XRCC4: variants seen among roughly 807,000 people sequenced by gnomAD.
XRCC4 encodes X-ray repair cross complementing 4.
Under a neutral mutation model 39.1 loss-of-function variants are expected in XRCC4, and 28 were observed. That is an observed-to-expected ratio of 0.72 (90% CI 0.53 to 0.98). The LOEUF is 0.98. Ranked by LOEUF, XRCC4 falls within the 50% of genes least tolerant of loss-of-function variation. The probability of loss-of-function intolerance (pLI) is 0.00; values close to 1 mark genes in which losing one functional copy is unlikely to be tolerated. For missense variants in XRCC4, 350 were observed against 376.4 expected, an observed-to-expected ratio of 0.93 and a Z score of 0.58; for synonymous variants, 123 against 126.4, an observed-to-expected ratio of 0.97 and a Z score of 0.18.
At chr5:83,257,025 G>GA (rs28360227) in intron 6 of XRCC4, among the ~76,000 whole-genome samples, 13 of 150,958 alleles carry the variant, frequency 8.6e-5, no homozygotes, top group East Asian at 3.9e-4. Context: ...TAGTTATTAA[G>GA]AAAAAAAAAT....
intron 3 of XRCC4, among the ~76,000 whole-genome samples, chr5:83,134,701 C>T (rs920239489): frequency 5.9e-5 from 9 of 152,148 alleles, no homozygotes; most frequent in Admixed American, 2.0e-4. Context: ...GGTACCCTTG[C>T]GTGTTGTGGA....
At chr5:83,078,404 A>T (rs28383124) in intron 1 of XRCC4, among the ~76,000 whole-genome samples, 1 of 152,120 alleles carries the variant, frequency 6.6e-6, no homozygotes, top group South Asian at 2.1e-4. Context: ...TGTGTGGTGT[A>T]TTTTTTCTCA....
intron 6 of XRCC4, among the ~76,000 whole-genome samples, chr5:83,216,847 A>T (rs1751878175): frequency 6.6e-6 from 1 of 152,156 alleles, no homozygotes; most frequent in Admixed American, 6.5e-5. Context: ...AGCCCAAGAG[A>T]ATTTTTGGAC....
intron 1 of XRCC4, among the ~76,000 whole-genome samples, chr5:83,100,783 T>C (rs1745894715): frequency 7.6e-6 from 1 of 131,012 alleles, no homozygotes; most frequent in South Asian, 2.4e-4. Flanking sequence ...ATATGTCTTT[T>C]TCAATGATTG....
At chr5:83,174,386 A>T (rs1749860803) in intron 3 of XRCC4, among the ~76,000 whole-genome samples, 1 of 152,108 alleles carries the variant, frequency 6.6e-6, no homozygotes. Flanking sequence ...TTCTCTATGG[A>T]TATCACTTCT....
chr5:83,213,689 C>T (rs1337117858), intron 6 of XRCC4, among the ~76,000 whole-genome samples: 3 of 151,886 alleles, frequency 2.0e-5, no homozygotes, highest in Non-Finnish European at 4.4e-5. Context: ...AGAGGAGGAG[C>T]GAACACTTCC....
At chr5:83,083,662 G>A (rs915700900) in intron 1 of XRCC4, among the ~76,000 whole-genome samples, 4 of 150,522 alleles carry the variant, frequency 2.7e-5, no homozygotes, top group South Asian at 2.1e-4. Context: ...AGGCATGAAG[G>A]TGCTGGGATT....
At chr5:83,180,470 A>G (rs543559209) in intron 3 of XRCC4, among the ~76,000 whole-genome samples, 2 of 152,298 alleles carry the variant, frequency 1.3e-5, no homozygotes, top group South Asian at 4.1e-4. Context: ...CTCGCTCAGA[A>G]GTAGGCCCCA....
chr5:83,128,444 G>A (rs1747387149), intron 3 of XRCC4, among the ~76,000 whole-genome samples: 1 of 152,140 alleles, frequency 6.6e-6, no homozygotes. Context: ...ACATGTGCAT[G>A]TGTCTTTATA....
At chr5:83,289,652 T>A (rs1260684130) in intron 7 of XRCC4, among the ~76,000 whole-genome samples, 1 of 151,870 alleles carries the variant, frequency 6.6e-6, no homozygotes, top group East Asian at 1.9e-4. Context: ...TGAATCTTAG[T>A]CTTTTAGCTG....
chr5:83,315,827 A>G (rs563746852), intron 7 of XRCC4, among the ~76,000 whole-genome samples: 23 of 152,282 alleles, frequency 1.5e-4, no homozygotes, highest in African/African-American at 4.8e-4. Context: ...TATACAAAGA[A>G]GTGTGTTTTC....
chr5:83,195,916 T>A lies in XRCC4; in HGVS notation c.462T>A (p.Asp154Glu). ...AAGAAAATGAAAGGCTTCTGAGAGA[T>A]TGGAATGATGTTCAAGGACGGTGTG... ...LQKENERLLR[D>E]WNDVQGRFEK... Residue 154 changes from aspartate (D) to glutamate (E), a missense_variant, in exon 4 of 8, where the codon GAT (aspartate) becomes GAA (glutamate). Asp to Glu is a conservative substitution (Grantham distance 45, BLOSUM62 2). Transcript: ENST00000396027. The A allele has an allele frequency of 1.2e-6, 2 of 1,609,546 alleles. No homozygotes were observed. The highest frequency in any genetic ancestry group is 1.7e-6 in the Non-Finnish European group (2 of 1,177,728).
intron 7 of XRCC4, chr5:83,259,465 G>C (rs551722201): frequency 6.6e-6 from 1 of 151,936 alleles, no homozygotes; most frequent in Non-Finnish European, 1.5e-5. Flanking sequence ...CCCTTTGTAG[G>C]GGTCCATAAG....
chr5:83,326,856 G>A (rs562187670), intron 7 of XRCC4, among the ~76,000 whole-genome samples: 2 of 152,006 alleles, frequency 1.3e-5, no homozygotes, highest in South Asian at 4.1e-4. Context: ...CATTCCCAGA[G>A]GATTGCTAAG....
At chr5:83,082,738 T>TC (rs1745007124) in intron 1 of XRCC4, among the ~76,000 whole-genome samples, 1 of 147,438 alleles carries the variant, frequency 6.8e-6, no homozygotes, top group African/African-American at 2.7e-5. Flanking sequence ...ATTTTTTTTT[T>TC]TTTGAGCCCT....
chr5:83,242,918 G>A (rs1271232908), intron 6 of XRCC4, among the ~76,000 whole-genome samples: 1 of 152,152 alleles, frequency 6.6e-6, no homozygotes, highest in Admixed American at 6.5e-5. Flanking sequence ...TACACAGATG[G>A]TAAGCAGGGC....
chr5:83,217,387 T>G (rs979211841), intron 6 of XRCC4, among the ~76,000 whole-genome samples: 5 of 141,116 alleles, frequency 3.5e-5, no homozygotes, highest in African/African-American at 1.5e-4. Context: ...ACCATTGCGA[T>G]AATTTGAGCT....
chr5:83,371,771 G>T, the XRCC4 span, among the ~76,000 whole-genome samples: 1 of 152,198 alleles, frequency 6.6e-6, no homozygotes, highest in Non-Finnish European at 1.5e-5. Flanking sequence ...AGGGCTGACT[G>T]CAGGAACATA....
At chr5:83,142,419 A>G (rs566609461) in intron 3 of XRCC4, among the ~76,000 whole-genome samples, 1 of 152,316 alleles carries the variant, frequency 6.6e-6, no homozygotes, top group South Asian at 2.1e-4. Flanking sequence ...TGTGGCTTCA[A>G]AGCATATGGG....
Sources: gnomAD v4.1 joint callset for allele counts (sites outside exome capture counted in the v4.1 genomes callset) on GRCh38, gnomAD v4.1.1 for gene constraint, MANE v1.5 for transcripts, NCBI Gene and HGNC (gene_info 2026-07-23, HGNC 2026-07-21) for gene names.